The following CCDC178 variants were observed in gnomAD, a reference collection of about 807,000 sequenced individuals.
CCDC178 encodes the protein coiled-coil domain-containing protein 178.
Under a neutral mutation model 117.4 loss-of-function variants are expected in CCDC178, and 126 were observed. That is an observed-to-expected ratio of 1.07 (90% CI 0.93 to 1.24). The LOEUF is 1.24. CCDC178 is among the 50% of genes most tolerant of loss of function. The pLI, the probability that CCDC178 is intolerant of heterozygous loss-of-function variation, is 0.00. For synonymous variants in CCDC178, 283 were observed against 313.4 expected, an observed-to-expected ratio of 0.90 and a Z score of 1.02; for missense variants, 1,030 against 986.9, an observed-to-expected ratio of 1.04 and a Z score of -0.59.
intron 3 of CCDC178, among the ~76,000 whole-genome samples, chr18:33,405,191 T>C (rs996152570): frequency 6.6e-6 from 1 of 151,900 alleles, no homozygotes; most frequent in African/African-American, 2.4e-5. Flanking sequence ...TAAATTATGA[T>C]AAAGAAGACT....
chr18:33,177,722 C>T (rs2058679591), intron 20 of CCDC178, among the ~76,000 whole-genome samples: 1 of 152,168 alleles, frequency 6.6e-6, no homozygotes, highest in African/African-American at 2.4e-5. Context: ...CTTTTCAGCA[C>T]ATTGAAATAT....
chr18:33,181,209 T>C (rs1023877317), intron 20 of CCDC178, among the ~76,000 whole-genome samples: 1 of 151,978 alleles, frequency 6.6e-6, no homozygotes, highest in East Asian at 1.9e-4. Flanking sequence ...TCCTGTAAGT[T>C]TGCTATGGCC....
At chr18:33,098,937 TG>T in intron 20 of CCDC178, among the ~76,000 whole-genome samples, 1 of 151,964 alleles carries the variant, frequency 6.6e-6, no homozygotes, top group Middle Eastern at 3.4e-3. Flanking sequence ...TTCTATCAAG[TG>T]GGGGAACAGC....
intron 22 of CCDC178, among the ~76,000 whole-genome samples, chr18:32,942,904 C>CT (rs530684428): frequency 2.4e-4 from 37 of 151,220 alleles, no homozygotes; most frequent in African/African-American, 5.8e-4. Context: ...GTTACTTTGT[C>CT]TTTTTTTTTG....
intron 3 of CCDC178, among the ~76,000 whole-genome samples, chr18:33,398,575 C>T (rs933299967): frequency 6.6e-6 from 1 of 152,116 alleles, no homozygotes; most frequent in Non-Finnish European, 1.5e-5. Flanking sequence ...AGGAGTATAT[C>T]TATTTATAGC....
intron 21 of CCDC178, chr18:32,983,370 A>G (rs1300020408): frequency 7.0e-7 from 1 of 1,418,862 alleles, no homozygotes; most frequent in Admixed American, 2.0e-5. Flanking sequence ...TAGAAATATT[A>G]CAAATATTAC....
chr18:33,392,198 C>A (rs1466094902), intron 4 of CCDC178, among the ~76,000 whole-genome samples: 1 of 152,074 alleles, frequency 6.6e-6, no homozygotes, highest in Non-Finnish European at 1.5e-5. Context: ...CAAAAAAAAT[C>A]TTCCTTATAT....
intron 6 of CCDC178, among the ~76,000 whole-genome samples, chr18:33,365,448 T>C (rs1369901317): frequency 6.6e-6 from 1 of 152,064 alleles, no homozygotes; most frequent in African/African-American, 2.4e-5. Flanking sequence ...CCACTGACAT[T>C]AGATCTCGGG....
At chr18:33,032,295 A>T (rs1235445043) in intron 21 of CCDC178, among the ~76,000 whole-genome samples, 1 of 152,138 alleles carries the variant, frequency 6.6e-6, no homozygotes, top group Non-Finnish European at 1.5e-5. Flanking sequence ...AAACTTAGTC[A>T]CATGGTTATC....
chr18:33,077,522 T>C (rs1367794773), intron 21 of CCDC178, among the ~76,000 whole-genome samples: 1 of 151,968 alleles, frequency 6.6e-6, no homozygotes, highest in Admixed American at 6.6e-5. Context: ...ATAATATAGA[T>C]AGGCCACTAG....
chr18:33,280,349 A>G (rs1228513578), intron 12 of CCDC178, among the ~76,000 whole-genome samples: 1 of 151,844 alleles, frequency 6.6e-6, no homozygotes, highest in African/African-American at 2.4e-5. Flanking sequence ...CACACATGAA[A>G]AAATGCTCAT....
At chr18:33,295,689 T>C (rs1599120562) in intron 11 of CCDC178, among the ~76,000 whole-genome samples, 1 of 152,130 alleles carries the variant, frequency 6.6e-6, no homozygotes, top group Non-Finnish European at 1.5e-5. Context: ...TGAAAAGATG[T>C]ACATCACAAT....
intron 12 of CCDC178, among the ~76,000 whole-genome samples, chr18:33,275,038 T>C (rs1374929103): frequency 6.6e-6 from 1 of 152,058 alleles, no homozygotes; most frequent in Non-Finnish European, 1.5e-5. Context: ...CATTGGAATA[T>C]CTAAAATCAA....
chr18:32,983,386 A>G, intron 21 of CCDC178: 1 of 1,324,892 alleles, frequency 7.5e-7, no homozygotes, highest in Admixed American at 2.0e-5. Context: ...ATTACAAATG[A>G]AGCCATTTCA....
intron 2 of CCDC178, among the ~76,000 whole-genome samples, chr18:33,429,361 GGA>G (rs1229589841): frequency 4.6e-5 from 7 of 151,438 alleles, no homozygotes; most frequent in African/African-American, 1.2e-4. Context: ...GGAGGGAGGG[GGA>G]GAGAGAGACA....
intron 6 of CCDC178, among the ~76,000 whole-genome samples, chr18:33,356,922 A>G (rs1015867711): frequency 6.6e-6 from 1 of 151,928 alleles, no homozygotes; most frequent in Non-Finnish European, 1.5e-5. Flanking sequence ...TGACACTTTC[A>G]AGGTCTGATA....
intron 21 of CCDC178, among the ~76,000 whole-genome samples, chr18:33,082,983 T>C (rs2057321299): frequency 6.6e-6 from 1 of 152,106 alleles, no homozygotes; most frequent in African/African-American, 2.4e-5. Flanking sequence ...TTGATTCTTA[T>C]TCTCTCTTCA....
chr18:33,419,983 T>C (rs2064002101), intron 2 of CCDC178, among the ~76,000 whole-genome samples: 1 of 151,940 alleles, frequency 6.6e-6, no homozygotes, highest in Non-Finnish European at 1.5e-5. Flanking sequence ...ACCATAAAGA[T>C]ACATGTACAC....
At chr18:33,032,860 A>C (rs1210695831) in intron 21 of CCDC178, among the ~76,000 whole-genome samples, 2 of 152,090 alleles carry the variant, frequency 1.3e-5, no homozygotes, top group African/African-American at 4.8e-5. Context: ...AGGAAATCTG[A>C]CACCCTTAAT....
Sources: gnomAD v4.1 joint callset for allele counts (sites outside exome capture counted in the v4.1 genomes callset) on GRCh38, gnomAD v4.1.1 for gene constraint, MANE v1.5 for transcripts, NCBI Gene and HGNC (gene_info 2026-07-23, HGNC 2026-07-21) for gene names.